RNF149: variants seen among roughly 807,000 people sequenced by gnomAD.
RNF149 encodes E3 ubiquitin-protein ligase RNF149.
RNF149 carries 21 observed loss-of-function variants against 39.0 expected under a neutral mutation model. The observed-to-expected ratio is 0.54, with a 90% CI of 0.38 to 0.77. The LOEUF is 0.77. RNF149 is among the 30% of genes least tolerant of loss of function. The probability of loss-of-function intolerance (pLI) is 0.00; values close to 1 mark genes in which losing one functional copy is unlikely to be tolerated. For synonymous variants in RNF149, 209 were observed against 213.6 expected (o/e 0.98, Z 0.19); for missense variants, 493 against 534.9 (o/e 0.92, Z 0.77).
chr2:101,289,073 A>C lies in RNF149; in HGVS notation c.781-18T>G. On this transcript the variant is annotated intron_variant, in intron 3 of 6. Coordinates refer to ENST00000295317, the MANE Select transcript of RNF149 (RefSeq NM_173647.4). ...TCAATTCCCTGTAAAAAGAAAAGGA[A>C]AGTGTTACTACATTCTTGGTACACA... 1 of 1,423,488 alleles carries C rather than the reference A, an allele frequency of 7.0e-7. No individual in the cohort carries two copies. The highest frequency in any genetic ancestry group is 9.9e-7 in the Non-Finnish European group (1 of 1,009,492). 88.2% of individuals were successfully genotyped at this position (1,423,488 alleles called of 1,614,324 possible).
chr2:101,299,884 C>A (rs552625809), intron 1 of RNF149, among the ~76,000 whole-genome samples: 2 of 152,320 alleles, frequency 1.3e-5, no homozygotes, highest in East Asian at 3.9e-4. Flanking sequence ...GTCTGAAGAC[C>A]CAGCTCCGAG....
chr2:101,288,991 A>C lies in RNF149; in HGVS notation c.845T>G (p.Ile282Ser). 1 of 1,563,492 alleles carries C rather than the reference A, an allele frequency of 6.4e-7. No homozygotes were observed. The highest frequency in any genetic ancestry group is 8.8e-7 in the Non-Finnish European group (1 of 1,135,924). ...CIENFKVKDI[I>S]RILPCKHIFH... is the part of the protein sequence containing the mutation. The stretch of plus-strand genomic sequence containing the variant: ...AACATACTTGCATGGCAGAATTCTA[A>C]TAATATCCTTTACTTTGAAATTTTC... Residue 282 changes from isoleucine to serine, a missense_variant, in exon 4 of 7, where the codon ATT becomes AGT. Physicochemically the swap from Ile to Ser is moderately radical, Grantham distance 142. Transcript: ENST00000295317.
Position 101,286,107 on chromosome 2 carries a change from C to CA in RNF149, c.933dup (p.Asp312Ter). Reference sequence around the variant, plus strand: ...CAATATCCTAGGGCTTTGATGACATCAAGTTTACACATTGGACATGTTCGG... The same window carrying CA: ...CAATATCCTAGGGCTTTGATGACATCAAAGTTTACACATTGGACATGTTCGG... On this transcript the variant is annotated frameshift_variant, in exon 5 of 7. Coordinates refer to ENST00000295317, the MANE Select transcript of RNF149 (RefSeq NM_173647.4). LOFTEE classifies it high-confidence loss of function. The CA allele has an allele frequency of 6.2e-7, 1 of 1,610,796 alleles. No homozygotes were observed. The highest frequency in any genetic ancestry group is 8.5e-7 in the Non-Finnish European group (1 of 1,177,204).
intron 1 of RNF149, among the ~76,000 whole-genome samples, chr2:101,304,554 G>A (rs943994088): frequency 6.6e-6 from 1 of 152,144 alleles, no homozygotes; most frequent in Non-Finnish European, 1.5e-5. Flanking sequence ...TCATGGGCAG[G>A]CCTGTGTCCT....
Position 101,289,157 on chromosome 2 carries a change from C to T in RNF149, c.781-102G>A, listed in dbSNP as rs1481018927. 19 of 669,730 alleles carry T rather than the reference C, an allele frequency of 2.8e-5. 1 individual carries two copies. The highest frequency in any genetic ancestry group is 5.0e-4 in the Middle Eastern group (2 of 4,026). 41.5% of individuals were successfully genotyped at this position (669,730 alleles called of 1,614,324 possible). Reference sequence around the variant, plus strand: ...TAAAACAATGACGAATTCCCTTCTACAGTGGTACAACCGGTGAAATTAAAA... The same window carrying T: ...TAAAACAATGACGAATTCCCTTCTATAGTGGTACAACCGGTGAAATTAAAA... On this transcript the variant is annotated intron_variant, in intron 3 of 6. Coordinates refer to ENST00000295317, the MANE Select transcript of RNF149 (RefSeq NM_173647.4).
In RNF149 at chr2:101,281,689, T is replaced by G; in HGVS notation, c.1159+170A>C. ...CTAATCTGTGAAGTTTTTGTAGAGATGGGGTCTCACTATGCTGCCCAGGCT... is the reference window on the plus strand; with the variant it reads ...CTAATCTGTGAAGTTTTTGTAGAGAGGGGGTCTCACTATGCTGCCCAGGCT... On this transcript the variant is annotated intron_variant, in intron 6 of 6. Coordinates refer to ENST00000295317, the MANE Select transcript of RNF149 (RefSeq NM_173647.4). 4.4e-6 allele frequency: 3 copies of G among 684,394 alleles called. No individual in the cohort carries two copies. The South Asian group carries it at 5.6e-5, about 13-fold the overall frequency. 42.4% of individuals were successfully genotyped at this position (684,394 alleles called of 1,614,324 possible).
chr2:101,294,592 C>T, intron 2 of RNF149: 1 of 237,442 alleles, frequency 4.2e-6, no homozygotes, highest in South Asian at 6.3e-5. Flanking sequence ...TCTTTGCTGT[C>T]ACTGAGAGAG....
intron 5 of RNF149, among the ~76,000 whole-genome samples, chr2:101,284,484 G>C (rs1000971117): frequency 4.6e-5 from 7 of 152,118 alleles, no homozygotes; most frequent in African/African-American, 1.7e-4. Flanking sequence ...GGGAGGCTGA[G>C]GCTGGAGAAT....
intron 3 of RNF149, among the ~76,000 whole-genome samples, chr2:101,289,567 T>C (rs1198460309): frequency 6.6e-6 from 1 of 151,826 alleles, no homozygotes; most frequent in South Asian, 2.1e-4. Context: ...TAGCTGGGCA[T>C]GGTGGCGCGT....
At chr2:101,298,325 TGAGGCAGGAGGATCACCTGAGCCTAG>T (rs1389753239) in intron 1 of RNF149, among the ~76,000 whole-genome samples, 2 of 152,092 alleles carry the variant, frequency 1.3e-5, no homozygotes, top group Non-Finnish European at 2.9e-5. Context: ...CTAGGGAGGC[TGAGGCAGGAGGATCACCTGAGCCTAG>T]GAGGCAGAGG....
chr2:101,291,013 T>C (rs185386216), intron 3 of RNF149, among the ~76,000 whole-genome samples: 64 of 152,366 alleles, frequency 4.2e-4, no homozygotes, highest in African/African-American at 1.4e-3. Flanking sequence ...AGTATCAGCA[T>C]GTGGCTGCAA....
intron 3 of RNF149, among the ~76,000 whole-genome samples, chr2:101,291,174 C>T (rs1027803243): frequency 9.9e-5 from 15 of 151,108 alleles, no homozygotes; most frequent in South Asian, 2.1e-4. Context: ...TTTTTTGAGA[C>T]GGAGTCTCGC....
intron 6 of RNF149, 78 bp downstream of exon 6, chr2:101,281,781 C>G: frequency 2.6e-6 from 4 of 1,554,478 alleles, no homozygotes; most frequent in East Asian, 4.5e-5. Context: ...ACCTTAAACT[C>G]CCAAAGCACT....
At chr2:101,307,842 T>C in intron 1 of RNF149, 3 of 985,456 alleles carry the variant, frequency 3.0e-6, no homozygotes, top group Non-Finnish European at 3.6e-6. Flanking sequence ...TTTCCTCACC[T>C]GTTAGAACCA....
rs189998298 is a variant in RNF149 at position 101,290,135 on chromosome 2, G to A, written c.781-1080C>T. On this transcript the variant is annotated intron_variant, in intron 3 of 6. Coordinates refer to ENST00000295317, the MANE Select transcript of RNF149 (RefSeq NM_173647.4). The stretch of plus-strand genomic sequence containing the variant: ...GTGGAGGTTGCAGTGAGCCAAGATC[G>A]CGCCACTGCCCTCCACCCTGGTGAC... 5.1e-3 allele frequency among the ~76,000 whole-genome samples: 781 copies of A among 152,304 alleles called. 6 individuals are homozygous for A. The highest frequency in any genetic ancestry group is 7.9e-3 in the Non-Finnish European group (537 of 68,028).
rs377446984 is a variant in RNF149, at chr2:101,299,086, T to C, written c.461-3905A>G. ...GCAGAAGAATTGCTCGAACCCAGAG[T>C]TGGAGGTTGCAGTGAGCCAAAATCG... On this transcript the variant is annotated intron_variant, in intron 1 of 6. Transcript: ENST00000295317. Among the ~76,000 whole-genome samples the C allele has an allele frequency of 1.7e-4, 26 of 152,146 alleles. No homozygotes were observed. The East Asian group carries it at 3.7e-3, about 22-fold the overall frequency.
intron 1 of RNF149, among the ~76,000 whole-genome samples, chr2:101,298,852 C>T (rs564630416): frequency 4.9e-4 from 74 of 152,264 alleles, no homozygotes; most frequent in South Asian, 3.7e-3. Context: ...CACATATTAG[C>T]TATTCAAAAA....
intron 1 of RNF149, among the ~76,000 whole-genome samples, chr2:101,296,353 A>G (rs1415281812): frequency 6.6e-6 from 1 of 152,216 alleles, no homozygotes; most frequent in African/African-American, 2.4e-5. Context: ...TAATGCAATA[A>G]TCATAAAATA....
Position 101,281,853 on chromosome 2 carries a change from G to T in RNF149, c.1159+6C>A. ...TCTATTGTTTTATAATTTGCACACC[G>T]CTCACCTAGCAATGCCGTATTTTCT... On this transcript the variant is annotated splice_donor_region_variant and intron_variant, in intron 6 of 6. Coordinates refer to ENST00000295317, the MANE Select transcript of RNF149 (RefSeq NM_173647.4). 1 of 1,613,218 alleles carries T rather than the reference G, an allele frequency of 6.2e-7. No individual in the cohort carries two copies. Among genetic ancestry groups the T allele is most frequent in the Non-Finnish European group, 8.5e-7 (1 of 1,179,906 alleles).
Sources: gnomAD v4.1 joint callset for allele counts (sites outside exome capture counted in the v4.1 genomes callset) on GRCh38, gnomAD v4.1.1 for gene constraint, MANE v1.5 for transcripts, NCBI Gene and HGNC (gene_info 2026-07-23, HGNC 2026-07-21) for gene names.